Variants in NOSTRIN observed in about 807,000 individuals in gnomAD.
The protein encoded by NOSTRIN is nitric oxide synthase trafficking.
NOSTRIN carries 63 observed loss-of-function variants against 59.0 expected under a neutral mutation model. That is an observed-to-expected ratio of 1.07 (90% CI 0.87 to 1.32). The LOEUF is 1.32. NOSTRIN is among the 40% of genes most tolerant of loss of function. NOSTRIN has a pLI of 0.00. For missense variants in NOSTRIN, 512 were observed against 473.1 expected (o/e 1.08, Z -0.76); for synonymous variants, 200 against 165.4 (o/e 1.21, Z -1.61).
intron 2 of NOSTRIN, among the ~76,000 whole-genome samples, chr2:168,814,795 G>C (rs1468564921): frequency 6.6e-6 from 1 of 152,240 alleles, no homozygotes; most frequent in Non-Finnish European, 1.5e-5. Flanking sequence ...GCTGGGTGCA[G>C]TGGCTCATGC....
chr2:168,854,976 C>T (rs895228653), intron 10 of NOSTRIN, among the ~76,000 whole-genome samples: 1 of 152,092 alleles, frequency 6.6e-6, no homozygotes, highest in African/African-American at 2.4e-5. Flanking sequence ...GAAACACATA[C>T]ATGATATTAC....
At chr2:168,793,789 A>T (rs1334550779), upstream of NOSTRIN, among the ~76,000 whole-genome samples, 5 of 152,230 alleles carry the variant, frequency 3.3e-5, no homozygotes, top group African/African-American at 1.2e-4. Context: ...ATAAGGTCCC[A>T]TGCAAACTGT....
chr2:168,825,888 A>G (rs1293681141), intron 3 of NOSTRIN, among the ~76,000 whole-genome samples: 1 of 152,162 alleles, frequency 6.6e-6, no homozygotes, highest in Non-Finnish European at 1.5e-5. Context: ...ATAATAACAA[A>G]TGGTGGCTTT....
intron 8 of NOSTRIN, among the ~76,000 whole-genome samples, chr2:168,847,825 T>C (rs1417743905): frequency 6.6e-6 from 1 of 152,214 alleles, no homozygotes; most frequent in Non-Finnish European, 1.5e-5. Context: ...GATATGGATC[T>C]CTCCTTTGCA....
intron 8 of NOSTRIN, among the ~76,000 whole-genome samples, chr2:168,844,666 C>T (rs890241022): frequency 6.6e-6 from 1 of 152,014 alleles, no homozygotes; most frequent in African/African-American, 2.4e-5. Context: ...GTCAGGAGAT[C>T]GAGACCATCC....
chr2:168,850,250 C>T (rs1157482377), intron 8 of NOSTRIN, among the ~76,000 whole-genome samples: 5 of 152,216 alleles, frequency 3.3e-5, no homozygotes, highest in African/African-American at 1.2e-4. Context: ...AATGTGATTC[C>T]CCTCACTTTC....
At chr2:168,863,776 C>CCAAA (rs763069222) in intron 15 of NOSTRIN, 24 of 468,038 alleles carry the variant, frequency 5.1e-5, no homozygotes, top group Middle Eastern at 1.0e-3. Context: ...AGCCAACACG[C>CCAAA]CAAACAATCA....
upstream of NOSTRIN, among the ~76,000 whole-genome samples, chr2:168,795,136 A>C (rs981553614): frequency 4.6e-5 from 7 of 152,184 alleles, no homozygotes; most frequent in African/African-American, 9.6e-5. Context: ...CATTACTTAT[A>C]AAGTGTAGAG....
At chr2:168,864,266 C>T (rs542112371) in intron 15 of NOSTRIN, among the ~76,000 whole-genome samples, 52 of 139,572 alleles carry the variant, frequency 3.7e-4, no homozygotes, top group Middle Eastern at 3.6e-3. Flanking sequence ...TGTCAGCCAC[C>T]GTGCCTGGCT....
At chr2:168,852,967 A>G (rs1688859557) in intron 10 of NOSTRIN, among the ~76,000 whole-genome samples, 1 of 152,210 alleles carries the variant, frequency 6.6e-6, no homozygotes, top group South Asian at 2.1e-4. Context: ...CAATAAAATA[A>G]ATCTATTTTC....
intron 11 of NOSTRIN, 178 bp downstream of exon 11, chr2:168,855,638 C>CAAAAAAAAAAAAAAAAAAAAAAAAACAAA: frequency 3.4e-5 from 4 of 116,244 alleles, no homozygotes; most frequent in Admixed American, 1.1e-4. Flanking sequence ...AAAAGAAAGC[C>CAAAAAAAAAAAAAAAAAAAAAAAAACAAA]AAAAAAAAAA....
intron 7 of NOSTRIN, among the ~76,000 whole-genome samples, chr2:168,839,884 CAAA>C (rs58341006): frequency 0.019 from 591 of 31,164 alleles, 21 homozygotes; most frequent in African/African-American, 0.16. Context: ...GACTCCGTCT[CAAA>C]AAAAAAAAAA....
At chr2:168,853,490 A>T (rs1259934765) in intron 10 of NOSTRIN, among the ~76,000 whole-genome samples, 2 of 152,242 alleles carry the variant, frequency 1.3e-5, no homozygotes, top group African/African-American at 4.8e-5. Context: ...AGAAGGACAA[A>T]TGTTAAGAGT....
chr2:168,851,917 C>T (rs761144969), intron 10 of NOSTRIN, among the ~76,000 whole-genome samples: 1 of 152,170 alleles, frequency 6.6e-6, no homozygotes, highest in Non-Finnish European at 1.5e-5. Context: ...TCTCCAGGCT[C>T]TTCCTCCAGA....
At chr2:168,850,739 C>T in intron 8 of NOSTRIN, 4 of 690,088 alleles carry the variant, frequency 5.8e-6, no homozygotes, top group South Asian at 5.5e-5. Context: ...ATGGTGAAAC[C>T]CCATCTCTAC....
chr2:168,834,501 G>GCACACACATACACA (rs1425272036), intron 7 of NOSTRIN, among the ~76,000 whole-genome samples, 176 bp downstream of exon 7: 2 of 110,682 alleles, frequency 1.8e-5, no homozygotes, highest in Non-Finnish European at 4.0e-5. Flanking sequence ...GCGCGCGCGC[G>GCACACACATACACA]CGCGCGCACA....
intron 8 of NOSTRIN, among the ~76,000 whole-genome samples, chr2:168,844,321 T>A (rs751569041): frequency 6.6e-6 from 1 of 152,156 alleles, no homozygotes; most frequent in African/African-American, 2.4e-5. Flanking sequence ...ATGACCAAAT[T>A]AAATAACTAT....
chr2:168,797,485 T>C (rs892172176), upstream of NOSTRIN, among the ~76,000 whole-genome samples: 8 of 152,050 alleles, frequency 5.3e-5, no homozygotes, highest in African/African-American at 1.9e-4. Flanking sequence ...GAGTTCACTC[T>C]CTCTGGGGAA....
upstream of NOSTRIN, among the ~76,000 whole-genome samples, chr2:168,797,079 C>CTTTTCTTTTTTTTTTTTTTTTTTTT (rs1553519713): frequency 5.3e-5 from 4 of 75,054 alleles, no homozygotes; most frequent in South Asian, 6.5e-4. Context: ...TTTCTTTTTT[C>CTTTTCTTTTTTTTTTTTTTTTTTTT]TTTTTTTTTT....
Sources: allele counts gnomAD v4.1 joint callset (sites outside exome capture counted in the v4.1 genomes callset), GRCh38; gene constraint gnomAD v4.1.1; transcripts MANE v1.5; gene names NCBI Gene and HGNC (gene_info 2026-07-23, HGNC 2026-07-21).